The following LPP variants were observed in gnomAD, a reference collection of about 807,000 sequenced individuals.
The protein encoded by LPP is LIM domain containing preferred translocation partner in lipoma.
A neutral mutation model predicts 60.4 loss-of-function variants in LPP; 38 were observed. The ratio of observed to expected loss-of-function variants is 0.63; its 90% CI spans 0.49 to 0.83. The LOEUF is 0.83. Among genes scored for constraint, LPP ranks in the 40% least tolerant of loss-of-function variants. The pLI is 0.00. For synonymous variants in LPP, 328 were observed against 290.8 expected, an observed-to-expected ratio of 1.13 and a Z score of -1.30; for missense variants, 902 against 783.6, an observed-to-expected ratio of 1.15 and a Z score of -1.80.
intron 6 of LPP, among the ~76,000 whole-genome samples, chr3:188,580,778 A>C (rs1835894356): frequency 6.6e-6 from 1 of 152,154 alleles, no homozygotes; most frequent in Non-Finnish European, 1.5e-5. Context: ...TTAAGACATT[A>C]ATTGGGAAGG....
intron 8 of LPP, among the ~76,000 whole-genome samples, chr3:188,744,373 A>G (rs949929196): frequency 6.6e-6 from 1 of 152,124 alleles, no homozygotes; most frequent in African/African-American, 2.4e-5. Flanking sequence ...GTCCTCTTCA[A>G]CTGTGTATTT....
chr3:188,577,448 T>C (rs1039226637), intron 6 of LPP, among the ~76,000 whole-genome samples: 4 of 152,038 alleles, frequency 2.6e-5, no homozygotes, highest in African/African-American at 7.2e-5. Flanking sequence ...CAGTTATTTC[T>C]GGGATTTTGG....
intron 6 of LPP, among the ~76,000 whole-genome samples, chr3:188,530,924 G>A (rs932040691): frequency 1.3e-5 from 2 of 152,164 alleles, no homozygotes; most frequent in Non-Finnish European, 2.9e-5. Context: ...ACGAAATTCT[G>A]TCTATTTCTT....
chr3:188,734,018 G>A lies in LPP; in HGVS notation c.1240+25625G>A, dbSNP rs184812305. On this transcript the variant is annotated intron_variant, in intron 8 of 11. Transcript: ENST00000617246. ...GTGTATATGTGTGTGTGTGGAGTTT[G>A]TTTTCTAACTCATTACTTTTAACGT... Among the ~76,000 whole-genome samples the A allele has an allele frequency of 8.5e-3, 1,293 of 151,956 alleles. 5 individuals are homozygous for A. The highest frequency in any genetic ancestry group is 0.017 in the South Asian group (83 of 4,816).
rs34442973 is a variant in LPP at position 188,262,832 on chromosome 3, TA to T, written c.-67+37317del. Among the ~76,000 whole-genome samples, 804 of 144,662 alleles carry T rather than the reference TA, an allele frequency of 5.6e-3. 9 individuals carry two copies. Among genetic ancestry groups the T allele is most frequent in the East Asian group, 0.017 (87 of 5,042 alleles). 94.9% of individuals were successfully genotyped at this position (144,662 alleles called of 152,430 possible). On this transcript the variant is annotated intron_variant, in intron 2 of 11. Transcript: ENST00000617246. Reference sequence around the variant, plus strand: ...ATCTAGAACTTGTCTGAAATCATGTTAAAAAAAAAAAAGTGGTAATCTGTGC... The same window carrying T: ...ATCTAGAACTTGTCTGAAATCATGTTAAAAAAAAAAAGTGGTAATCTGTGC...
intron 8 of LPP, among the ~76,000 whole-genome samples, chr3:188,724,478 GAAATACA>G (rs1278061497): frequency 1.3e-5 from 2 of 152,182 alleles, no homozygotes; most frequent in African/African-American, 4.8e-5. Flanking sequence ...GGAGCAATTA[GAAATACA>G]GGTACACCAT....
intron 1 of LPP, among the ~76,000 whole-genome samples, chr3:188,201,392 A>G (rs1025570052): frequency 6.6e-6 from 1 of 152,164 alleles, no homozygotes; most frequent in African/African-American, 2.4e-5. Context: ...GGGTAGTACC[A>G]TCTCATTATG....
At chr3:188,821,784 T>G (rs1290208270) in intron 9 of LPP, among the ~76,000 whole-genome samples, 5 of 152,154 alleles carry the variant, frequency 3.3e-5, no homozygotes, top group African/African-American at 4.8e-5. Flanking sequence ...AGAACCTGGT[T>G]TTTAATGCTT....
At chr3:188,498,757 C>CT (rs994016988) in intron 5 of LPP, among the ~76,000 whole-genome samples, 30 of 152,268 alleles carry the variant, frequency 2.0e-4, no homozygotes, top group African/African-American at 6.7e-4. Context: ...AGCAGCTGTA[C>CT]TGTTTCCATT....
intron 3 of LPP, among the ~76,000 whole-genome samples, chr3:188,391,493 G>T (rs1028753310): frequency 6.6e-6 from 1 of 152,152 alleles, no homozygotes; most frequent in African/African-American, 2.4e-5. Context: ...GGGAGTTTCA[G>T]TCAGGATTCA....
At chr3:188,520,551 T>C (rs975444852) in intron 5 of LPP, among the ~76,000 whole-genome samples, 1 of 152,176 alleles carries the variant, frequency 6.6e-6, no homozygotes, top group Admixed American at 6.5e-5. Flanking sequence ...CAATTCAAGA[T>C]GAAATTTGGG....
intron 1 of LPP, among the ~76,000 whole-genome samples, chr3:188,156,102 C>T (rs1021117004): frequency 1.3e-5 from 2 of 152,108 alleles, no homozygotes; most frequent in Non-Finnish European, 2.9e-5. Flanking sequence ...ACCCCAACAC[C>T]CAAAACTTTA....
intron 2 of LPP, among the ~76,000 whole-genome samples, chr3:188,292,559 T>C (rs899217336): frequency 1.3e-5 from 2 of 152,210 alleles, no homozygotes; most frequent in Admixed American, 6.5e-5. Flanking sequence ...CTATACTTGC[T>C]TGGGAGGTGG....
At position 188,484,694 on chromosome 3, in the gene LPP, T is replaced by C. The variant is rs1388602444; in HGVS notation, c.296T>C (p.Phe99Ser). Residue 99 changes from phenylalanine (F) to serine (S), a missense_variant, in exon 5 of 12, where the codon TTC becomes TCC. Transcript: ENST00000617246. ...CCACCACCTCTTGATGAAGAGGCTT[T>C]CAAAGTACAGGTAAGAGCTGAAGTT... Reference protein sequence around the residue: ...PPPPPLDEEAFKVQGNPGGKT... With the variant: ...PPPPPLDEEASKVQGNPGGKT... 2.5e-6 allele frequency: 4 copies of C among 1,608,900 alleles called. No homozygotes were observed. The highest frequency in any genetic ancestry group is 3.4e-6 in the Non-Finnish European group (4 of 1,175,318).
At chr3:188,628,441 CA>C (rs1314869479) in intron 7 of LPP, among the ~76,000 whole-genome samples, 1 of 151,730 alleles carries the variant, frequency 6.6e-6, no homozygotes, top group Admixed American at 6.6e-5. Context: ...CACAGCAATA[CA>C]AAAAACCCTC....
At chr3:188,487,877 C>T (rs1354367751) in intron 5 of LPP, among the ~76,000 whole-genome samples, 1 of 152,116 alleles carries the variant, frequency 6.6e-6, no homozygotes, top group Non-Finnish European at 1.5e-5. Context: ...ATTTTCAGGT[C>T]AGAGCCAAAA....
In LPP at chr3:188,374,201, G is replaced by C. The variant is rs533510768; in HGVS notation, c.-9-31911G>C. On this transcript the variant is annotated intron_variant, in intron 3 of 11. Transcript: ENST00000617246. ...GACTTGGCGATGCAGGCTGTTTTTT[G>C]GTTCCAGATGAACTTTAAAGTAGTT... is the stretch of plus-strand genomic sequence containing the variant. Among the ~76,000 whole-genome samples the C allele has an allele frequency of 3.3e-5, 5 of 151,858 alleles. No homozygotes were observed. The East Asian group carries it at 7.7e-4, about 23-fold the overall frequency.
intron 6 of LPP, among the ~76,000 whole-genome samples, chr3:188,555,914 A>G (rs79431329): frequency 0.011 from 1,707 of 152,244 alleles, 30 homozygotes; most frequent in African/African-American, 0.039. Context: ...GGAGGAAGCC[A>G]TGAATATTTT....
At chr3:188,779,995 A>T (rs1229185744) in intron 9 of LPP, among the ~76,000 whole-genome samples, 1 of 152,136 alleles carries the variant, frequency 6.6e-6, no homozygotes, top group African/African-American at 2.4e-5. Flanking sequence ...AGAGGGCTTA[A>T]GGGAGTTGCC....
Sources: gnomAD v4.1 joint callset for allele counts (sites outside exome capture counted in the v4.1 genomes callset) on GRCh38, gnomAD v4.1.1 for gene constraint, MANE v1.5 for transcripts, NCBI Gene and HGNC (gene_info 2026-07-23, HGNC 2026-07-21) for gene names.